The following PCDH7 variants were observed in gnomAD, a reference collection of about 807,000 sequenced individuals.
The protein encoded by PCDH7 is protocadherin 7.
A neutral mutation model predicts 58.9 loss-of-function variants in PCDH7; 17 were observed. The observed-to-expected ratio is 0.29, with a 90% CI of 0.20 to 0.43. PCDH7 has a LOEUF of 0.43. PCDH7 is among the 20% of genes least tolerant of loss of function. The pLI is 1.00. For synonymous variants in PCDH7, 664 were observed against 616.4 expected (o/e 1.08, Z -1.14); for missense variants, 1,274 against 1,441.0 (o/e 0.88, Z 1.88).
intron 3 of PCDH7, among the ~76,000 whole-genome samples, chr4:30,989,504 C>G (rs925173824): frequency 3.3e-5 from 5 of 152,120 alleles, no homozygotes; most frequent in Admixed American, 6.6e-5. Flanking sequence ...TTGCATTATG[C>G]CTGAAAGTCT....
At chr4:31,068,270 C>T (rs1019507023) in intron 3 of PCDH7, among the ~76,000 whole-genome samples, 1 of 150,966 alleles carries the variant, frequency 6.6e-6, no homozygotes, top group Non-Finnish European at 1.5e-5. Flanking sequence ...TCTGTATCTT[C>T]CTCTCAATTT....
chr4:30,748,903 A>C (rs1718121122), intron 1 of PCDH7, among the ~76,000 whole-genome samples: 1 of 152,150 alleles, frequency 6.6e-6, no homozygotes, highest in African/African-American at 2.4e-5. Flanking sequence ...GTTCTCTGGG[A>C]CAACTTAAAG....
intron 1 of PCDH7, among the ~76,000 whole-genome samples, chr4:30,802,695 T>G (rs1725681495): frequency 6.6e-6 from 1 of 151,714 alleles, no homozygotes; most frequent in African/African-American, 2.4e-5. Flanking sequence ...GGAAATCATG[T>G]GTTGAGGTTG....
At chr4:31,132,125 C>T (rs546774777) in intron 3 of PCDH7, among the ~76,000 whole-genome samples, 9 of 152,156 alleles carry the variant, frequency 5.9e-5, no homozygotes, top group East Asian at 1.9e-4. Flanking sequence ...TGAATTAATT[C>T]GATTTAACAT....
chr4:31,079,873 G>A (rs1370904416), intron 3 of PCDH7, among the ~76,000 whole-genome samples: 1 of 151,942 alleles, frequency 6.6e-6, no homozygotes, highest in Non-Finnish European at 1.5e-5. Context: ...AGAAATAGAG[G>A]ATCATATGGA....
At chr4:31,131,741 A>G (rs1453426890) in intron 3 of PCDH7, among the ~76,000 whole-genome samples, 7 of 152,218 alleles carry the variant, frequency 4.6e-5, no homozygotes, top group Non-Finnish European at 8.8e-5. Flanking sequence ...GAAATGTTTC[A>G]ATAGGCAATC....
intron 1 of PCDH7, among the ~76,000 whole-genome samples, chr4:30,819,101 A>C (rs1218039610): frequency 6.6e-6 from 1 of 152,166 alleles, no homozygotes; most frequent in Non-Finnish European, 1.5e-5. Context: ...GTGCTTTTTT[A>C]AGGTGATGTG....
At chr4:30,951,736 G>T (rs1418154739) in intron 3 of PCDH7, among the ~76,000 whole-genome samples, 3 of 152,120 alleles carry the variant, frequency 2.0e-5, no homozygotes, top group African/African-American at 7.2e-5. Context: ...TTCATTTTAT[G>T]TAATAGGTAA....
intron 1 of PCDH7, among the ~76,000 whole-genome samples, chr4:30,738,520 T>A (rs974940052): frequency 9.2e-5 from 14 of 152,222 alleles, no homozygotes; most frequent in Non-Finnish European, 2.1e-4. Flanking sequence ...ATTAGGCACA[T>A]CACTGACTGC....
chr4:30,973,329 A>C (rs1749771335), intron 3 of PCDH7, among the ~76,000 whole-genome samples: 1 of 152,194 alleles, frequency 6.6e-6, no homozygotes, highest in African/African-American at 2.4e-5. Flanking sequence ...TATTGGTGTG[A>C]GAGTGGAGAG....
intron 1 of PCDH7, among the ~76,000 whole-genome samples, chr4:30,771,484 T>A (rs1275233505): frequency 1.3e-5 from 2 of 152,166 alleles, no homozygotes; most frequent in Non-Finnish European, 2.9e-5. Flanking sequence ...TAGGCACTCG[T>A]GGGGGCTGGG....
chr4:31,052,378 A>G (rs1315228971), intron 3 of PCDH7, among the ~76,000 whole-genome samples: 1 of 152,168 alleles, frequency 6.6e-6, no homozygotes, highest in African/African-American at 2.4e-5. Context: ...GTATCACCAT[A>G]CTATTGAACA....
At chr4:30,946,690 T>TTG (rs112524366) in intron 2 of PCDH7, among the ~76,000 whole-genome samples, 9,535 of 137,474 alleles carry the variant, frequency 0.069, 336 homozygotes, top group Middle Eastern at 0.1. Context: ...CTTATCTCTT[T>TTG]TGTGTGTGTG....
intron 3 of PCDH7, among the ~76,000 whole-genome samples, chr4:30,979,863 G>A (rs1005215601): frequency 6.6e-6 from 1 of 151,948 alleles, no homozygotes; most frequent in Non-Finnish European, 1.5e-5. Context: ...TCCACACACT[G>A]CTTAATATTA....
At chr4:31,067,025 G>A (rs1344037899) in intron 3 of PCDH7, among the ~76,000 whole-genome samples, 1 of 151,948 alleles carries the variant, frequency 6.6e-6, no homozygotes, top group Admixed American at 6.6e-5. Context: ...ACTGGCATGA[G>A]GAATAGGAGG....
Position 30,982,102 on chromosome 4 carries a change from T to C in PCDH7, c.*7+31887T>C, listed in dbSNP as rs906400316. ...AAAAAACGATAATTATGTGGGATAA[T>C]GTATATGTTAGTTAGCTCAATTGAG... On this transcript the variant is annotated intron_variant, in intron 3 of 3. Transcript: ENST00000509759. Among the ~76,000 whole-genome samples, 4 of 152,210 alleles carry C rather than the reference T, an allele frequency of 2.6e-5. No individual in the cohort carries two copies. In the South Asian group the frequency reaches 6.2e-4, roughly 24 times the overall value.
intron 3 of PCDH7, among the ~76,000 whole-genome samples, chr4:31,013,215 T>G (rs1366925347): frequency 6.7e-6 from 1 of 149,924 alleles, no homozygotes; most frequent in Admixed American, 6.7e-5. Context: ...GTGGAAACAT[T>G]AAATTAAAGG....
At chr4:30,997,328 A>G (rs1010490580) in intron 3 of PCDH7, among the ~76,000 whole-genome samples, 7 of 152,200 alleles carry the variant, frequency 4.6e-5, no homozygotes, top group African/African-American at 1.7e-4. Context: ...AAAGGCTATA[A>G]AAATTAGTCC....
At chr4:30,910,761 G>C (rs954749659) in intron 1 of PCDH7, among the ~76,000 whole-genome samples, 9 of 152,246 alleles carry the variant, frequency 5.9e-5, no homozygotes, top group African/African-American at 2.2e-4. Context: ...GATTCCTCAA[G>C]GATCTAGAAC....
Sources: gnomAD v4.1 joint callset for allele counts (sites outside exome capture counted in the v4.1 genomes callset) on GRCh38, gnomAD v4.1.1 for gene constraint, MANE v1.5 for transcripts, NCBI Gene and HGNC (gene_info 2026-07-23, HGNC 2026-07-21) for gene names.